Variants in SPON1 observed in about 807,000 individuals in gnomAD.
The protein encoded by SPON1 is spondin 1.
A neutral mutation model predicts 111.7 loss-of-function variants in SPON1; 52 were observed. That is an observed-to-expected ratio of 0.47 (90% CI 0.37 to 0.59). SPON1 has a LOEUF of 0.59. Among genes scored for constraint, SPON1 ranks in the 20% least tolerant of loss-of-function variants. SPON1 has a pLI of 0.00. For missense variants in SPON1, 957 were observed against 1,068.5 expected, an observed-to-expected ratio of 0.90 and a Z score of 1.46; for synonymous variants, 410 against 395.8, an observed-to-expected ratio of 1.04 and a Z score of -0.43.
At chr11:14,149,425 TA>T (rs1321717038) in intron 6 of SPON1, among the ~76,000 whole-genome samples, 1 of 152,070 alleles carries the variant, frequency 6.6e-6, no homozygotes, top group Non-Finnish European at 1.5e-5. Context: ...TTACAGTCGT[TA>T]AAAAGGTAAA....
intron 3 of SPON1, among the ~76,000 whole-genome samples, chr11:14,047,083 T>C (rs1178329095): frequency 6.6e-6 from 1 of 152,172 alleles, no homozygotes; most frequent in African/African-American, 2.4e-5. Flanking sequence ...GTAGTTCTAC[T>C]GGCTTATTCT....
At chr11:14,265,460 A>G (rs1849253781) in intron 15 of SPON1, 64 bp from the exon 16 acceptor site, 5 of 1,524,640 alleles carry the variant, frequency 3.3e-6, no homozygotes, top group Middle Eastern at 2.1e-4. Flanking sequence ...CAGTTCTACT[A>G]GAGTTCAGCA....
intron 6 of SPON1, among the ~76,000 whole-genome samples, chr11:14,195,780 G>T (rs1386994056): frequency 6.6e-6 from 1 of 152,154 alleles, no homozygotes; most frequent in Non-Finnish European, 1.5e-5. Flanking sequence ...GGATTTGGGA[G>T]TCACAGCCTC....
chr11:14,265,912 G>A lies in SPON1; in HGVS notation c.*225G>A, dbSNP rs376988558. The stretch of plus-strand genomic sequence containing the variant: ...CTCCAGCCAGCCTCTTCCTGCAGAG[G>A]AGTAGTGTCAGCCACCTTGTACTAA... On this transcript the variant is annotated 3_prime_UTR_variant, in exon 16 of 16. Coordinates refer to ENST00000576479, the MANE Select transcript of SPON1 (RefSeq NM_006108.4). 2 of 484,184 alleles carry A rather than the reference G, an allele frequency of 4.1e-6. No homozygotes were observed. Among genetic ancestry groups the A allele is most frequent in the South Asian group, 2.4e-5 (1 of 41,598 alleles). 30.0% of individuals were successfully genotyped at this position (484,184 alleles called of 1,614,324 possible). A position where few individuals can be genotyped will look rare whatever the true frequency, so the allele number is the denominator to read the frequency against.
chr11:14,243,794 TC>T (rs1430677906), intron 7 of SPON1, among the ~76,000 whole-genome samples: 2 of 152,196 alleles, frequency 1.3e-5, no homozygotes, highest in African/African-American at 4.8e-5. Flanking sequence ...CCATTCTCAG[TC>T]CCGTTTCTTT....
At chr11:14,089,696 C>T (rs1849034655) in intron 5 of SPON1, among the ~76,000 whole-genome samples, 1 of 152,196 alleles carries the variant, frequency 6.6e-6, no homozygotes, top group Non-Finnish European at 1.5e-5. Flanking sequence ...GGATCTGCTG[C>T]ACTCTTCAGA....
chr11:14,122,246 C>G (rs1478397155), intron 5 of SPON1, among the ~76,000 whole-genome samples: 6 of 151,990 alleles, frequency 3.9e-5, no homozygotes, highest in African/African-American at 1.4e-4. Flanking sequence ...CGATCTCGGC[C>G]CACTGCAAGC....
At position 14,265,659 on chromosome 11, in the gene SPON1, T is replaced by A. The variant is rs1564945758; in HGVS notation, c.2396T>A (p.Ile799Asn). 6.2e-7 allele frequency: 1 copy of A among 1,613,594 alleles called. No individual in the cohort carries two copies. The highest frequency in any genetic ancestry group is 8.5e-7 in the Non-Finnish European group (1 of 1,179,748). Residue 799 changes from isoleucine (I) to asparagine (N), a missense_variant, in exon 16 of 16, where the codon ATC (isoleucine) becomes AAC (asparagine). Physicochemically the swap from Ile to Asn is moderately radical, Grantham distance 149. Transcript: ENST00000576479. ...ACCAGCTGCAAAGACAAGAAGGAGA[T>A]CAGAGCATGCAATGTTCATCCTTGT... ...QFTSCKDKKE[I>N]RACNVHPC
intron 5 of SPON1, among the ~76,000 whole-genome samples, chr11:14,115,889 C>T (rs576668761): frequency 2.0e-5 from 3 of 152,156 alleles, no homozygotes; most frequent in Admixed American, 2.0e-4. Context: ...TAATCTACAT[C>T]CTTGCCCATA....
rs77483682 is a variant in SPON1, at chr11:13,981,538, G to T, written c.239-1309G>T. Among the ~76,000 whole-genome samples, 1,282 of 152,336 alleles carry T rather than the reference G, an allele frequency of 8.4e-3. 45 individuals carry two copies. The East Asian group carries it at 0.1, about 12-fold the overall frequency. On this transcript the variant is annotated intron_variant, in intron 1 of 15. Transcript: ENST00000576479. ...AGACGGGGTTTCACCGTGTTAGCCA[G>T]GATGGTCTCGAACTCTTGACCTTGT...
At chr11:14,008,650 T>C (rs1253372194) in intron 2 of SPON1, among the ~76,000 whole-genome samples, 1 of 152,140 alleles carries the variant, frequency 6.6e-6, no homozygotes, top group African/African-American at 2.4e-5. Context: ...CTTCTCCTAC[T>C]AAAATAATGG....
At chr11:14,076,238 A>T (rs1353958201) in intron 4 of SPON1, among the ~76,000 whole-genome samples, 2 of 152,200 alleles carry the variant, frequency 1.3e-5, no homozygotes, top group Non-Finnish European at 2.9e-5. Flanking sequence ...AAAATAAAAA[A>T]TGCTCTATAT....
chr11:14,200,619 G>A (rs1554935513), intron 6 of SPON1, among the ~76,000 whole-genome samples: 1 of 151,902 alleles, frequency 6.6e-6, no homozygotes, highest in Non-Finnish European at 1.5e-5. Flanking sequence ...TTTGAGACCA[G>A]CCTGGCCAAC....
intron 6 of SPON1, among the ~76,000 whole-genome samples, chr11:14,193,772 A>C (rs1279794228): frequency 6.6e-6 from 1 of 152,138 alleles, no homozygotes; most frequent in Admixed American, 6.5e-5. Flanking sequence ...CCTCTCAGAC[A>C]GTCTATACTC....
intron 2 of SPON1, among the ~76,000 whole-genome samples, chr11:14,019,243 C>T (rs1369807010): frequency 2.0e-5 from 3 of 152,098 alleles, no homozygotes; most frequent in African/African-American, 4.8e-5. Flanking sequence ...GGGTAAGTTA[C>T]TTAATCCCTC....
chr11:14,164,661 G>A (rs1379869464), intron 6 of SPON1, among the ~76,000 whole-genome samples: 4 of 152,182 alleles, frequency 2.6e-5, no homozygotes, highest in Admixed American at 2.6e-4. Flanking sequence ...CACGACAGGG[G>A]CATTGCAATA....
chr11:14,256,092 C>G (rs1849104019), intron 9 of SPON1, among the ~76,000 whole-genome samples: 1 of 152,058 alleles, frequency 6.6e-6, no homozygotes, highest in South Asian at 2.1e-4. Context: ...ACTAAAAATA[C>G]AAAAATTGGC....
At chr11:14,076,843 G>A (rs1409769878) in intron 4 of SPON1, among the ~76,000 whole-genome samples, 3 of 152,198 alleles carry the variant, frequency 2.0e-5, no homozygotes, top group Non-Finnish European at 4.4e-5. Flanking sequence ...CTGGAGAGCT[G>A]GAATCTGCAG....
At chr11:14,004,426 G>A (rs1316742003) in intron 2 of SPON1, among the ~76,000 whole-genome samples, 1 of 151,780 alleles carries the variant, frequency 6.6e-6, no homozygotes, top group Non-Finnish European at 1.5e-5. Context: ...TTCCACCATG[G>A]CTATACCAAT....
Sources: gnomAD v4.1 joint callset for allele counts (sites outside exome capture counted in the v4.1 genomes callset) on GRCh38, gnomAD v4.1.1 for gene constraint, MANE v1.5 for transcripts, NCBI Gene and HGNC (gene_info 2026-07-23, HGNC 2026-07-21) for gene names.